Variants in FAIM2 observed in about 807,000 individuals in gnomAD.
FAIM2 encodes protein lifeguard 2.
A neutral mutation model predicts 47.4 loss-of-function variants in FAIM2; 27 were observed. That is an observed-to-expected ratio of 0.57 (90% CI 0.42 to 0.78). FAIM2 has a LOEUF of 0.78. Among genes scored for constraint, FAIM2 ranks in the 30% least tolerant of loss-of-function variants. The pLI, the probability that FAIM2 is intolerant of heterozygous loss-of-function variation, is 0.00. For synonymous variants in FAIM2, 156 were observed against 159.3 expected (o/e 0.98, Z 0.16); for missense variants, 311 against 389.4 (o/e 0.80, Z 1.69).
Position 49,891,079 on chromosome 12 carries a change from C to A in FAIM2, c.470G>T (p.Cys157Phe). ...ATTAGCATACCTGGGTCCAGAACAG[C>A]AAGCCAGGGTCAGGTAGGTTGCAAA... The part of the protein sequence containing the change: ...VFFATYLTLA[C>F]CSGPRRHFPW... The change falls in exon 6 of 12, where the codon TGC becomes TTC. Residue 157 changes from cysteine to phenylalanine, a missense_variant. Transcript: ENST00000320634. The A allele has an allele frequency of 6.2e-7, 1 of 1,614,164 alleles. No individual in the cohort carries two copies. Among genetic ancestry groups the A allele is most frequent in the Non-Finnish European group, 8.5e-7 (1 of 1,180,000 alleles).
At chr12:49,879,519 T>C (rs1946785547) in intron 11 of FAIM2, among the ~76,000 whole-genome samples, 1 of 151,806 alleles carries the variant, frequency 6.6e-6, no homozygotes, top group South Asian at 2.1e-4. Flanking sequence ...TGCATGTGTG[T>C]GTGTCCATGT....
rs1946950666 is a variant in FAIM2, at chr12:49,897,935, G to A, written c.315+52C>T. ...GAGGGTTGGGCCAGGGACCTCTCCAGGGGCTCCCCCACTGAGGCTCCCAGT... is the reference window on the plus strand; with the variant it reads ...GAGGGTTGGGCCAGGGACCTCTCCAAGGGCTCCCCCACTGAGGCTCCCAGT... On this transcript the variant is annotated intron_variant, in intron 3 of 11. Coordinates refer to ENST00000320634, the MANE Select transcript of FAIM2 (RefSeq NM_012306.4). 4 of 1,421,590 alleles carry A rather than the reference G, an allele frequency of 2.8e-6. No homozygotes were observed. In the South Asian group the frequency reaches 4.6e-5, roughly 16 times the overall value. 88.1% of individuals were successfully genotyped at this position (1,421,590 alleles called of 1,614,324 possible).
At chr12:49,879,097 TGA>T (rs1334015137) in intron 11 of FAIM2, among the ~76,000 whole-genome samples, 1 of 137,460 alleles carries the variant, frequency 7.3e-6, no homozygotes, top group Non-Finnish European at 1.5e-5. Flanking sequence ...TGTGTGCATG[TGA>T]GTGTATGTAT....
chr12:49,879,422 ATGTG>A (rs962235225), intron 11 of FAIM2, among the ~76,000 whole-genome samples: 9 of 131,166 alleles, frequency 6.9e-5, no homozygotes, highest in East Asian at 2.4e-4. Context: ...ATGTGAGTGT[ATGTG>A]TGTATGTGCA....
chr12:49,870,671 A>G lies in FAIM2; in HGVS notation c.802-18T>C, dbSNP rs982006868. 6.2e-7 allele frequency: 1 copy of G among 1,610,266 alleles called. No homozygotes were observed. Among genetic ancestry groups the G allele is most frequent in the Non-Finnish European group, 8.5e-7 (1 of 1,178,220 alleles). ...GCCAGGAACTGGGAGAAGTGAGGAG[A>G]GAGAGAGAGAGGTCAGAGGCCCAGG... is the stretch of plus-strand genomic sequence containing the variant. On this transcript the variant is annotated intron_variant, in intron 11 of 11. Coordinates refer to ENST00000320634, the MANE Select transcript of FAIM2 (RefSeq NM_012306.4).
At chr12:49,892,028 C>T (rs1378213628) in intron 5 of FAIM2, among the ~76,000 whole-genome samples, 1 of 152,128 alleles carries the variant, frequency 6.6e-6, no homozygotes, top group African/African-American at 2.4e-5. Flanking sequence ...CCATCCTTTC[C>T]CCATCTCCTT....
chr12:49,875,207 G>A (rs936897418), intron 11 of FAIM2, among the ~76,000 whole-genome samples: 5 of 152,166 alleles, frequency 3.3e-5, no homozygotes, highest in African/African-American at 1.2e-4. Flanking sequence ...AGAAGAGTTC[G>A]TGAACTCTTT....
chr12:49,876,826 G>A (rs1196941223), intron 11 of FAIM2, among the ~76,000 whole-genome samples: 1 of 152,120 alleles, frequency 6.6e-6, no homozygotes. Context: ...TGCCAAGTGT[G>A]AGGAGGCTGT....
chr12:49,886,290 G>A (rs751697294), intron 11 of FAIM2, among the ~76,000 whole-genome samples: 96 of 152,260 alleles, frequency 6.3e-4, no homozygotes, highest in Non-Finnish European at 1.3e-3. Flanking sequence ...GTGTCTGTCC[G>A]TGGTCATCTC....
intron 5 of FAIM2, among the ~76,000 whole-genome samples, chr12:49,893,297 C>T (rs954470030): frequency 2.0e-5 from 3 of 152,126 alleles, no homozygotes; most frequent in Non-Finnish European, 4.4e-5. Flanking sequence ...TGCTGTGCTC[C>T]CTGGAAACGT....
chr12:49,896,808 C>G (rs1268158579), intron 5 of FAIM2, among the ~76,000 whole-genome samples: 2 of 152,202 alleles, frequency 1.3e-5, no homozygotes, highest in Non-Finnish European at 2.9e-5. Context: ...GAACCTACCC[C>G]CGTCTCCTTT....
chr12:49,901,250 C>T lies in FAIM2; in HGVS notation c.91G>A (p.Val31Met), dbSNP rs1946979925. 6.2e-7 allele frequency: 1 copy of T among 1,610,706 alleles called. No homozygotes were observed. The highest frequency in any genetic ancestry group is 8.5e-7 in the Non-Finnish European group (1 of 1,178,652). Residue 31 changes from valine (V) to methionine (M), a missense_variant, in exon 2 of 12, where the codon GTG (valine) becomes ATG (methionine). Coordinates refer to ENST00000320634, the MANE Select transcript of FAIM2 (RefSeq NM_012306.4). ...VHGEKKEAPA[V>M]PSAPPSYEEA... ...TCATAGGAGGGTGGGGCTGAGGGCA[C>T]TGCTGGAGCCTCCTTCTTCTCGCCA...
Position 49,870,550 on chromosome 12 carries a change from T to G in FAIM2, c.905A>C (p.Tyr302Ser), listed in dbSNP as rs970928223. 1 of 1,613,776 alleles carries G rather than the reference T, an allele frequency of 6.2e-7. No individual in the cohort carries two copies. The highest frequency in any genetic ancestry group is 8.5e-7 in the Non-Finnish European group (1 of 1,179,790). The part of the protein sequence containing the change: ...GALNIYLDII[Y>S]IFTFFLQLFG... ...AAGCTGCAGGAAGAAGGTGAAGATA[T>G]AGATGATGTCTAGGTAAATGTTGAG... The change falls in exon 12 of 12, where the codon TAT (tyrosine) becomes TCT (serine). Residue 302 changes from tyrosine (Y) to serine (S), a missense_variant. Coordinates refer to ENST00000320634, the MANE Select transcript of FAIM2 (RefSeq NM_012306.4).
intron 5 of FAIM2, among the ~76,000 whole-genome samples, chr12:49,896,535 T>C (rs886252541): frequency 6.6e-6 from 1 of 152,240 alleles, no homozygotes; most frequent in Non-Finnish European, 1.5e-5. Flanking sequence ...TTTTCTGAAG[T>C]AGTCATACCC....
chr12:49,892,783 T>C (rs1946909272), intron 5 of FAIM2, among the ~76,000 whole-genome samples: 1 of 152,180 alleles, frequency 6.6e-6, no homozygotes, highest in South Asian at 2.1e-4. Context: ...TTTTCAACCC[T>C]AGACTCGAAT....
At chr12:49,872,670 C>T (rs1045050683) in intron 11 of FAIM2, among the ~76,000 whole-genome samples, 6 of 152,180 alleles carry the variant, frequency 3.9e-5, no homozygotes, top group Non-Finnish European at 2.9e-5. Context: ...GCAGGGCCAC[C>T]GTCAAAGGTG....
At chr12:49,870,880 G>C (rs1025077980) in intron 11 of FAIM2, among the ~76,000 whole-genome samples, 1 of 152,250 alleles carries the variant, frequency 6.6e-6, no homozygotes, top group Non-Finnish European at 1.5e-5. Context: ...CAGAGAACAA[G>C]ACAGCCGGGA....
intron 11 of FAIM2, among the ~76,000 whole-genome samples, chr12:49,880,226 ATGCATG>A (rs1946802922): frequency 7.2e-6 from 1 of 138,518 alleles, no homozygotes; most frequent in African/African-American, 2.8e-5. Context: ...GTATATGTGC[ATGCATG>A]TGTGTATGTG....
Position 49,901,125 on chromosome 12 carries a change from C to T in FAIM2, c.211+5G>A. ...GCTTCAGGTTCCAGGAGCTGAAAGA[C>T]TTACTGGGGTCCACATAGGCCCAGC... On this transcript the variant is annotated splice_donor_5th_base_variant and intron_variant, in intron 2 of 11. Coordinates refer to ENST00000320634, the MANE Select transcript of FAIM2 (RefSeq NM_012306.4). The T allele has an allele frequency of 6.3e-7, 1 of 1,576,298 alleles. No homozygotes were observed. The highest frequency in any genetic ancestry group is 8.6e-7 in the Non-Finnish European group (1 of 1,166,514).
Sources: allele counts gnomAD v4.1 joint callset (sites outside exome capture counted in the v4.1 genomes callset), GRCh38; gene constraint gnomAD v4.1.1; transcripts MANE v1.5; gene names NCBI Gene and HGNC (gene_info 2026-07-23, HGNC 2026-07-21).